GALNTL6: variants seen among roughly 807,000 people sequenced by gnomAD.
GALNTL6 encodes the protein polypeptide N-acetylgalactosaminyltransferase-like 6.
In GALNTL6, 46 loss-of-function variants were observed where a neutral mutation model predicts 73.7. The observed-to-expected ratio is 0.62, with a 90% confidence interval of 0.49 to 0.80. The LOEUF (loss-of-function observed/expected upper bound fraction) is 0.80, where lower values mean the gene tolerates loss of function less well. Among genes scored for constraint, GALNTL6 ranks in the 30% least tolerant of loss-of-function variants. GALNTL6 has a pLI of 0.00. For synonymous variants in GALNTL6, 259 were observed against 263.7 expected (o/e 0.98, Z 0.17); for missense variants, 604 against 755.0 (o/e 0.80, Z 2.34).
At chr4:172,316,784 C>G (rs956337811) in intron 4 of GALNTL6, among the ~76,000 whole-genome samples, 6 of 152,174 alleles carry the variant, frequency 3.9e-5, no homozygotes, top group African/African-American at 1.4e-4. Flanking sequence ...GTATTATACT[C>G]AAGACTGAAG....
At chr4:172,225,417 C>CT (rs35420591) in intron 2 of GALNTL6, among the ~76,000 whole-genome samples, 57,839 of 144,616 alleles carry the variant, frequency 0.4, 11,495 homozygotes, top group African/African-American at 0.44. Context: ...ATGAATTTGA[C>CT]TTTTTTTTTT....
Position 173,021,589 on chromosome 4 carries a change from T to C in GALNTL6, c.1602T>C (p.His534=). Residue 534 remains histidine, a synonymous_variant, in exon 12 of 13, where the codon CAT becomes CAC. Transcript: ENST00000506823. ...HNSPVTLYDC[H]GMKGNQLWGY... ...GCCCCGTTACACTCTATGACTGTCA[T>C]GGCATGAAGGGGAACCAGCTCTGGG... 1 of 1,614,116 alleles carries C rather than the reference T, an allele frequency of 6.2e-7. No homozygotes were observed.
intron 2 of GALNTL6, among the ~76,000 whole-genome samples, chr4:172,228,719 C>G (rs543749702): frequency 6.4e-4 from 98 of 152,160 alleles, no homozygotes; most frequent in African/African-American, 2.3e-3. Flanking sequence ...GAAAAAATAG[C>G]ATGTGAATTT....
intron 5 of GALNTL6, among the ~76,000 whole-genome samples, chr4:172,568,440 C>A (rs950886832): frequency 1.3e-5 from 2 of 152,140 alleles, no homozygotes; most frequent in African/African-American, 2.4e-5. Context: ...ACTCTAAGGT[C>A]TCTTTTAAAC....
At chr4:172,446,609 C>T (rs999880300) in intron 5 of GALNTL6, among the ~76,000 whole-genome samples, 1 of 152,072 alleles carries the variant, frequency 6.6e-6, no homozygotes, top group African/African-American at 2.4e-5. Context: ...TACTAGAAGG[C>T]TTTATATGAC....
chr4:171,942,553 A>G (rs1738582717), intron 2 of GALNTL6, among the ~76,000 whole-genome samples: 1 of 152,132 alleles, frequency 6.6e-6, no homozygotes, highest in African/African-American at 2.4e-5. Flanking sequence ...GAAGGATTTC[A>G]CTCCTAAGTC....
chr4:172,196,003 T>TG (rs1289909905), intron 2 of GALNTL6, among the ~76,000 whole-genome samples: 3 of 111,468 alleles, frequency 2.7e-5, no homozygotes, highest in African/African-American at 1.1e-4. Flanking sequence ...ATCCAGGAGC[T>TG]GGGTTTTTTT....
chr4:172,735,066 G>A (rs1166796290), intron 5 of GALNTL6, among the ~76,000 whole-genome samples: 3 of 152,184 alleles, frequency 2.0e-5, no homozygotes, highest in Admixed American at 2.0e-4. Context: ...CCCACACAGA[G>A]TCCCCACTGT....
At chr4:172,225,158 A>T (rs1736809824) in intron 2 of GALNTL6, among the ~76,000 whole-genome samples, 1 of 152,012 alleles carries the variant, frequency 6.6e-6, no homozygotes, top group South Asian at 2.1e-4. Context: ...AATCAAACAG[A>T]GGACGCATGA....
intron 5 of GALNTL6, among the ~76,000 whole-genome samples, chr4:172,434,092 GAT>G (rs1731554129): frequency 6.6e-6 from 1 of 151,986 alleles, no homozygotes; most frequent in African/African-American, 2.4e-5. Context: ...TTTGTAATAA[GAT>G]ACTCTGTACT....
chr4:172,973,479 C>T (rs1328791746), intron 10 of GALNTL6, among the ~76,000 whole-genome samples: 4 of 151,986 alleles, frequency 2.6e-5, no homozygotes, highest in Non-Finnish European at 5.9e-5. Flanking sequence ...GTCAATAAGT[C>T]CGTGGCAGAG....
intron 5 of GALNTL6, among the ~76,000 whole-genome samples, chr4:172,559,418 T>C (rs1736270449): frequency 6.6e-6 from 1 of 152,120 alleles, no homozygotes; most frequent in Non-Finnish European, 1.5e-5. Context: ...TCCCAGGTAG[T>C]AGAGAGTGCT....
chr4:172,681,529 TG>T (rs1164353555), intron 5 of GALNTL6, among the ~76,000 whole-genome samples: 1 of 152,198 alleles, frequency 6.6e-6, no homozygotes, highest in Non-Finnish European at 1.5e-5. Context: ...TATCTTATAT[TG>T]GTATAATACT....
chr4:172,105,344 G>GA (rs1267793979), intron 2 of GALNTL6, among the ~76,000 whole-genome samples: 1 of 151,948 alleles, frequency 6.6e-6, no homozygotes. Context: ...AGTTAAAAGT[G>GA]AAAGAGAAGT....
chr4:171,848,063 A>C (rs1463597320), intron 2 of GALNTL6, among the ~76,000 whole-genome samples: 2 of 152,214 alleles, frequency 1.3e-5, no homozygotes, highest in African/African-American at 4.8e-5. Flanking sequence ...TTTCTTAAAT[A>C]ATAAAACTTG....
intron 5 of GALNTL6, among the ~76,000 whole-genome samples, chr4:172,371,014 A>G (rs1290742890): frequency 1.3e-5 from 2 of 152,240 alleles, no homozygotes; most frequent in African/African-American, 4.8e-5. Flanking sequence ...TGCTATTAAT[A>G]AAACCTCATT....
intron 2 of GALNTL6, among the ~76,000 whole-genome samples, chr4:171,898,491 T>A (rs1736991232): frequency 6.6e-6 from 1 of 152,154 alleles, no homozygotes; most frequent in Admixed American, 6.5e-5. Context: ...AATTTTTATA[T>A]TTATATTATC....
intron 2 of GALNTL6, among the ~76,000 whole-genome samples, chr4:171,846,596 A>C (rs1244832325): frequency 2.0e-5 from 3 of 152,034 alleles, no homozygotes; most frequent in African/African-American, 7.2e-5. Flanking sequence ...TGTGACATAA[A>C]GAAAATAAAA....
intron 5 of GALNTL6, among the ~76,000 whole-genome samples, chr4:172,431,490 G>T (rs1343329114): frequency 6.6e-6 from 1 of 152,062 alleles, no homozygotes; most frequent in Non-Finnish European, 1.5e-5. Context: ...AAATACATAT[G>T]CATATATGTA....
Sources: allele counts gnomAD v4.1 joint callset (sites outside exome capture counted in the v4.1 genomes callset), GRCh38; gene constraint gnomAD v4.1.1; transcripts MANE v1.5; gene names NCBI Gene and HGNC (gene_info 2026-07-23, HGNC 2026-07-21).